Variants in RBFOX1 observed in about 807,000 individuals in gnomAD.
RBFOX1 encodes RNA binding fox-1 homolog 1.
Under a neutral mutation model 57.7 loss-of-function variants are expected in RBFOX1, and 8 were observed. That is an observed-to-expected ratio of 0.14 (90% CI 0.08 to 0.25). RBFOX1 has a LOEUF of 0.25. RBFOX1 is among the 10% of genes least tolerant of loss of function. The probability of loss-of-function intolerance (pLI) is 1.00; values close to 1 mark genes in which losing one functional copy is unlikely to be tolerated. For synonymous variants in RBFOX1, 326 were observed against 222.4 expected (o/e 1.47, Z -4.15); for missense variants, 611 against 548.5 (o/e 1.11, Z -1.14).
At chr16:7,560,532 CAAAA>C (rs35756861) in intron 5 of RBFOX1, among the ~76,000 whole-genome samples, 2 of 135,932 alleles carry the variant, frequency 1.5e-5, no homozygotes, top group Admixed American at 7.3e-5. Context: ...TGTAGAGTAT[CAAAA>C]AAAAAAAAAA....
chr16:6,636,369 A>G (rs2098433943), intron 2 of RBFOX1, among the ~76,000 whole-genome samples: 1 of 151,954 alleles, frequency 6.6e-6, no homozygotes, highest in African/African-American at 2.4e-5. Context: ...ATGGGGTTTC[A>G]TGGTGTTAGC....
intron 3 of RBFOX1, among the ~76,000 whole-genome samples, chr16:6,809,536 T>G (rs933202058): frequency 6.6e-6 from 1 of 152,186 alleles, no homozygotes; most frequent in Non-Finnish European, 1.5e-5. Context: ...GGAATAAGTT[T>G]CTGTGCACCT....
intron 4 of RBFOX1, among the ~76,000 whole-genome samples, chr16:5,959,406 T>C (rs182968479): frequency 4.1e-3 from 617 of 152,252 alleles, no homozygotes; most frequent in Non-Finnish European, 5.9e-3. Context: ...ATTGGGTGAA[T>C]GCAGATTCTA....
At chr16:5,565,613 G>A (rs1038803506) in intron 2 of RBFOX1, among the ~76,000 whole-genome samples, 9 of 147,164 alleles carry the variant, frequency 6.1e-5, no homozygotes, top group African/African-American at 1.3e-4. Context: ...CAATAAGAGC[G>A]AAACTCTGCC....
intron 1 of RBFOX1, among the ~76,000 whole-genome samples, chr16:6,283,411 A>C (rs2076593201): frequency 6.6e-6 from 1 of 152,150 alleles, no homozygotes. Context: ...CTAAATTTTT[A>C]TTTATTCTGT....
At chr16:5,934,395 A>T (rs139840759) in intron 4 of RBFOX1, among the ~76,000 whole-genome samples, 40 of 152,322 alleles carry the variant, frequency 2.6e-4, no homozygotes, top group African/African-American at 9.4e-4. Flanking sequence ...TTTTGCATTT[A>T]TGTAAAGCTT....
At chr16:6,444,036 G>A (rs1275353000) in intron 2 of RBFOX1, among the ~76,000 whole-genome samples, 2 of 152,150 alleles carry the variant, frequency 1.3e-5, no homozygotes, top group African/African-American at 2.4e-5. Flanking sequence ...ATTGTATAAT[G>A]TAGTGGCCCT....
intron 3 of RBFOX1, among the ~76,000 whole-genome samples, chr16:6,926,121 C>T (rs577744233): frequency 6.6e-6 from 1 of 151,944 alleles, no homozygotes; most frequent in African/African-American, 2.4e-5. Flanking sequence ...GCCTGGCCAA[C>T]ATGATGAAAC....
chr16:7,396,600 C>A (rs1162840144), intron 4 of RBFOX1, among the ~76,000 whole-genome samples: 2 of 152,134 alleles, frequency 1.3e-5, no homozygotes, highest in African/African-American at 2.4e-5. Context: ...TCAGTTTGTA[C>A]CTTTCCTTGG....
At chr16:5,521,233 C>G (rs2044000873) in intron 2 of RBFOX1, among the ~76,000 whole-genome samples, 1 of 152,008 alleles carries the variant, frequency 6.6e-6, no homozygotes, top group South Asian at 2.1e-4. Context: ...ACCAGGGTCC[C>G]CAACTCCTTT....
At chr16:7,494,313 C>T (rs2067882198) in intron 4 of RBFOX1, among the ~76,000 whole-genome samples, 2 of 152,088 alleles carry the variant, frequency 1.3e-5, no homozygotes, top group Admixed American at 1.3e-4. Context: ...TTAAAGGCGC[C>T]CTTTGGGGAG....
At chr16:7,401,695 C>A (rs1376870101) in intron 4 of RBFOX1, among the ~76,000 whole-genome samples, 1 of 152,078 alleles carries the variant, frequency 6.6e-6, no homozygotes, top group Non-Finnish European at 1.5e-5. Context: ...TTGCTTGCCT[C>A]CAGAATTGAG....
At chr16:6,676,990 C>A (rs557480993) in intron 3 of RBFOX1, among the ~76,000 whole-genome samples, 2 of 152,060 alleles carry the variant, frequency 1.3e-5, no homozygotes, top group Admixed American at 6.5e-5. Context: ...ACTCAACTTT[C>A]TATGCACAGA....
At chr16:6,642,537 T>A (rs2098500714) in intron 2 of RBFOX1, among the ~76,000 whole-genome samples, 1 of 151,968 alleles carries the variant, frequency 6.6e-6, no homozygotes, top group African/African-American at 2.4e-5. Context: ...CCAGCTCTGC[T>A]TGTCTGCATG....
intron 4 of RBFOX1, among the ~76,000 whole-genome samples, chr16:7,095,372 A>C (rs559688549): frequency 5.8e-4 from 88 of 152,282 alleles, no homozygotes; most frequent in African/African-American, 1.6e-3. Flanking sequence ...TCCTGACCTC[A>C]GGTAATCGAC....
At chr16:5,590,136 A>G (rs1024388501) in intron 2 of RBFOX1, among the ~76,000 whole-genome samples, 3 of 152,094 alleles carry the variant, frequency 2.0e-5, no homozygotes, top group Non-Finnish European at 4.4e-5. Flanking sequence ...TCTTTATTTT[A>G]TGACTTACTG....
intron 3 of RBFOX1, among the ~76,000 whole-genome samples, chr16:6,939,978 A>G (rs535176175): frequency 3.9e-5 from 6 of 152,328 alleles, no homozygotes; most frequent in East Asian, 1.9e-4. Context: ...TAAAGTTTGT[A>G]TAATTTATAT....
intron 2 of RBFOX1, among the ~76,000 whole-genome samples, chr16:5,586,395 C>A (rs957232635): frequency 6.6e-6 from 1 of 152,240 alleles, no homozygotes; most frequent in Non-Finnish European, 1.5e-5. Context: ...CTGCCTTTGA[C>A]TGTGCCAGAA....
intron 2 of RBFOX1, among the ~76,000 whole-genome samples, chr16:6,364,854 G>A (rs2089273222): frequency 6.6e-6 from 1 of 152,328 alleles, no homozygotes; most frequent in African/African-American, 2.4e-5. Context: ...CAAAGGGAAT[G>A]TCAGAGTGGA....
Sources: gnomAD v4.1 joint callset for allele counts (sites outside exome capture counted in the v4.1 genomes callset) on GRCh38, gnomAD v4.1.1 for gene constraint, MANE v1.5 for transcripts, NCBI Gene and HGNC (gene_info 2026-07-23, HGNC 2026-07-21) for gene names.